PLEKHA5: variants seen among roughly 807,000 people sequenced by gnomAD.
PLEKHA5 encodes pleckstrin homology domain containing A5.
Under a neutral mutation model 181.9 loss-of-function variants are expected in PLEKHA5, and 55 were observed. The ratio of observed to expected loss-of-function variants is 0.30; its 90% CI spans 0.24 to 0.38. The LOEUF (loss-of-function observed/expected upper bound fraction) is 0.38. Ranked by LOEUF, PLEKHA5 falls within the 10% of genes least tolerant of loss-of-function variation. The pLI is 1.00. For synonymous variants in PLEKHA5, 535 were observed against 529.4 expected, an observed-to-expected ratio of 1.01 and a Z score of -0.15; for missense variants, 1,432 against 1,549.5, an observed-to-expected ratio of 0.92 and a Z score of 1.27.
chr12:19,230,700 A>G (rs1166466412), intron 3 of PLEKHA5, among the ~76,000 whole-genome samples: 1 of 152,108 alleles, frequency 6.6e-6, no homozygotes. Flanking sequence ...CTGGCCCACA[A>G]GCGCTACGTG....
intron 3 of PLEKHA5, among the ~76,000 whole-genome samples, chr12:19,237,965 A>G (rs1358595825): frequency 6.6e-6 from 1 of 151,952 alleles, no homozygotes; most frequent in Non-Finnish European, 1.5e-5. Context: ...TTCTATTTAT[A>G]TTGTACAAAC....
chr12:19,304,336 T>A (rs2152934397), intron 15 of PLEKHA5, among the ~76,000 whole-genome samples: 1 of 152,084 alleles, frequency 6.6e-6, no homozygotes, highest in Admixed American at 6.5e-5. Flanking sequence ...ACCAGGGAGG[T>A]GGAGGTTGCA....
At chr12:19,297,706 CAG>C (rs2152889784) in intron 15 of PLEKHA5, among the ~76,000 whole-genome samples, 1 of 149,348 alleles carries the variant, frequency 6.7e-6, no homozygotes, top group South Asian at 2.1e-4. Context: ...TAAGGTTTGC[CAG>C]AGTCAATAGC....
intron 30 of PLEKHA5, among the ~76,000 whole-genome samples, chr12:19,368,696 C>T (rs895677065): frequency 7.2e-5 from 11 of 152,114 alleles, no homozygotes; most frequent in African/African-American, 2.7e-4. Flanking sequence ...GAGGCTGAGG[C>T]AGGAGAATCG....
intron 20 of PLEKHA5, among the ~76,000 whole-genome samples, chr12:19,327,679 CTG>C (rs1476599682): frequency 6.7e-6 from 1 of 148,512 alleles, no homozygotes; most frequent in African/African-American, 2.5e-5. Flanking sequence ...GAGACTCACT[CTG>C]TTGCCCAGGC....
At chr12:19,255,254 T>A in intron 5 of PLEKHA5, 89 bp downstream of exon 5, 2 of 727,632 alleles carry the variant, frequency 2.7e-6, no homozygotes, top group Non-Finnish European at 4.0e-6. Flanking sequence ...TATAGAATAA[T>A]AATTACATTT....
intron 3 of PLEKHA5, among the ~76,000 whole-genome samples, chr12:19,241,753 T>G (rs1402812422): frequency 4.7e-5 from 4 of 84,958 alleles, no homozygotes; most frequent in African/African-American, 1.3e-4. Context: ...AGAGTGAGAT[T>G]CCATCTAAAA....
chr12:19,230,879 C>T (rs552094221), intron 3 of PLEKHA5, among the ~76,000 whole-genome samples: 4 of 152,182 alleles, frequency 2.6e-5, no homozygotes, highest in Non-Finnish European at 5.9e-5. Context: ...GCTGAGAGCA[C>T]GCGAGGGCTG....
At chr12:19,335,574 C>T (rs1409226047) in intron 20 of PLEKHA5, among the ~76,000 whole-genome samples, 1 of 134,340 alleles carries the variant, frequency 7.4e-6, no homozygotes, top group East Asian at 2.2e-4. Flanking sequence ...TGCCACTGCG[C>T]CTGGCTAATT....
At chr12:19,223,686 G>A (rs1330056624) in intron 3 of PLEKHA5, among the ~76,000 whole-genome samples, 1 of 152,132 alleles carries the variant, frequency 6.6e-6, no homozygotes, top group Non-Finnish European at 1.5e-5. Context: ...TAAGAATAGA[G>A]TCCCTCTCTG....
chr12:19,329,858 C>T (rs2092672631), intron 20 of PLEKHA5, among the ~76,000 whole-genome samples: 2 of 151,906 alleles, frequency 1.3e-5, no homozygotes, highest in South Asian at 4.2e-4. Context: ...AGGCAGATTA[C>T]TTGAGCCCAG....
intron 31 of PLEKHA5, among the ~76,000 whole-genome samples, chr12:19,370,330 T>A (rs1249789542): frequency 6.6e-6 from 1 of 152,236 alleles, no homozygotes; most frequent in African/African-American, 2.4e-5. Context: ...AGGTAATTAC[T>A]AAAACCATGG....
intron 3 of PLEKHA5, among the ~76,000 whole-genome samples, chr12:19,136,274 C>G (rs558274445): frequency 6.6e-6 from 1 of 151,948 alleles, no homozygotes; most frequent in African/African-American, 2.4e-5. Flanking sequence ...AATTATGTTA[C>G]TATGTGTTTG....
At chr12:19,163,845 C>T (rs1184911996) in intron 3 of PLEKHA5, among the ~76,000 whole-genome samples, 1 of 152,192 alleles carries the variant, frequency 6.6e-6, no homozygotes, top group Admixed American at 6.5e-5. Context: ...GGTTACACAA[C>T]CACACCCTTC....
chr12:19,356,785 C>T (rs1319938565), intron 26 of PLEKHA5, among the ~76,000 whole-genome samples: 4 of 151,120 alleles, frequency 2.6e-5, no homozygotes, highest in Non-Finnish European at 5.9e-5. Context: ...CTCGGCCTCC[C>T]GAGTAGCTGG....
At chr12:19,262,921 A>T (rs138763761) in intron 7 of PLEKHA5, among the ~76,000 whole-genome samples, 1 of 152,334 alleles carries the variant, frequency 6.6e-6, no homozygotes, top group African/African-American at 2.4e-5. Context: ...TGAGTCTGAG[A>T]TTCCTTATTA....
At position 19,283,571 on chromosome 12, in the gene PLEKHA5, C is replaced by T. The variant is rs2076617162; in HGVS notation, c.1605C>T (p.Thr535=). 4 of 1,614,126 alleles carry T rather than the reference C, an allele frequency of 2.5e-6. No individual in the cohort carries two copies. The highest frequency in any genetic ancestry group is 3.4e-6 in the Non-Finnish European group (4 of 1,180,002). ...ACAGTACTTTGAGTAGTCCCAAAAC[C>T]ATGGTAAATATTTCTGACCAGACAA... ...PRHSTLSSPK[T]MVNISDQTMH... Residue 535 remains threonine, a synonymous_variant, in exon 12 of 32, where the codon ACC becomes ACT. Transcript: ENST00000429027.
intron 3 of PLEKHA5, among the ~76,000 whole-genome samples, chr12:19,219,044 T>C (rs1477362723): frequency 6.6e-6 from 1 of 152,022 alleles, no homozygotes; most frequent in African/African-American, 2.4e-5. Context: ...AGTTGACCCT[T>C]GAACAACACA....
chr12:19,275,136 T>C (rs1225732427), intron 11 of PLEKHA5, among the ~76,000 whole-genome samples, 153 bp downstream of exon 11: 1 of 152,218 alleles, frequency 6.6e-6, no homozygotes, highest in Non-Finnish European at 1.5e-5. Flanking sequence ...TGATCAGATA[T>C]AAGTATTTAT....
Sources: gnomAD v4.1 joint callset for allele counts (sites outside exome capture counted in the v4.1 genomes callset) on GRCh38, gnomAD v4.1.1 for gene constraint, MANE v1.5 for transcripts, NCBI Gene and HGNC (gene_info 2026-07-23, HGNC 2026-07-21) for gene names.